Variants in EFHB observed in about 807,000 individuals in gnomAD.
The protein encoded by EFHB is EF-hand domain family member B.
Under a neutral mutation model 87.2 loss-of-function variants are expected in EFHB, and 91 were observed. The ratio of observed to expected loss-of-function variants is 1.04; its 90% CI spans 0.88 to 1.24. EFHB has a LOEUF of 1.24. EFHB is among the 50% of genes most tolerant of loss of function. The probability of loss-of-function intolerance (pLI) is 0.00; values close to 1 mark genes in which losing one functional copy is unlikely to be tolerated. For missense variants in EFHB, 1,084 were observed against 998.8 expected, an observed-to-expected ratio of 1.09 and a Z score of -1.15; for synonymous variants, 325 against 333.6, an observed-to-expected ratio of 0.97 and a Z score of 0.28.
chr3:19,937,366 T>C (rs1020107926), upstream of EFHB, among the ~76,000 whole-genome samples: 3 of 152,202 alleles, frequency 2.0e-5, no homozygotes, highest in Non-Finnish European at 4.4e-5. Flanking sequence ...GTATTGAGAA[T>C]GCCCAAGAAT....
At position 19,879,669 on chromosome 3, in the gene EFHB, G is replaced by A. The variant is rs368362844; in HGVS notation, c.2464C>T (p.Arg822Trp). The A allele has an allele frequency of 2.4e-5, 38 of 1,603,874 alleles. No individual in the cohort carries two copies. The highest frequency in any genetic ancestry group is 3.4e-5 in the South Asian group (3 of 88,648). Residue 822 changes from arginine to tryptophan, a missense_variant, in exon 13 of 13, where the codon CGG becomes TGG. Coordinates refer to ENST00000295824, the MANE Select transcript of EFHB (RefSeq NM_144715.4). ...ENIRNVLDEL[R>W]HADRIKCKTL... ...TTACACTTGATCCGGTCTGCATGCC[G>A]TAGCTCATCTAGAACATTTCTGATG...
chr3:19,903,546 A>C (rs1220997312), intron 6 of EFHB, among the ~76,000 whole-genome samples: 1 of 152,006 alleles, frequency 6.6e-6, no homozygotes, highest in Non-Finnish European at 1.5e-5. Context: ...CATACTTTAC[A>C]CATAGTTTAA....
At chr3:19,941,349 C>G (rs1696152954) in intron 1 of EFHB, 1 of 183,574 alleles carries the variant, frequency 5.4e-6, no homozygotes, top group South Asian at 1.2e-4. Context: ...CCTGGCTGCT[C>G]AAGAAAGAGT....
intron 5 of EFHB, among the ~76,000 whole-genome samples, chr3:19,911,263 A>G (rs1019768369): frequency 1.2e-4 from 18 of 152,144 alleles, no homozygotes; most frequent in Admixed American, 7.9e-4. Flanking sequence ...TGAAATAATT[A>G]AAAAGAATCA....
chr3:19,895,393 A>C (rs1427418081), intron 9 of EFHB, among the ~76,000 whole-genome samples: 1 of 151,698 alleles, frequency 6.6e-6, no homozygotes, highest in East Asian at 1.9e-4. Flanking sequence ...AGGCAGGAGA[A>C]TGGCGTGAAC....
intron 12 of EFHB, among the ~76,000 whole-genome samples, chr3:19,882,039 ATAAATAAATAAATAAATAAATAAT>A (rs1217499047): frequency 2.8e-5 from 4 of 141,792 alleles, no homozygotes; most frequent in African/African-American, 8.4e-5. Context: ...AAATAAATAA[ATAAATAAATAAATAAATAAATAAT>A]TAAATAAGAC....
At chr3:19,922,260 A>G (rs1241121968) in intron 1 of EFHB, among the ~76,000 whole-genome samples, 1 of 152,240 alleles carries the variant, frequency 6.6e-6, no homozygotes, top group Non-Finnish European at 1.5e-5. Flanking sequence ...GAAGGCAGTT[A>G]AGAATCAGCA....
chr3:19,932,957 G>C (rs1370533422), intron 1 of EFHB, among the ~76,000 whole-genome samples: 2 of 152,186 alleles, frequency 1.3e-5, no homozygotes, highest in Non-Finnish European at 2.9e-5. Context: ...TGAGAGGCTT[G>C]AGGAAAATGA....
At chr3:19,894,989 A>AAAATATATATATATATATATAT (rs369564576) in intron 9 of EFHB, 24 of 144,520 alleles carry the variant, frequency 1.7e-4, no homozygotes, top group African/African-American at 6.1e-4. Flanking sequence ...TGTCTCAAAA[A>AAAATATATATATATATATATAT]ATATATATAT....
chr3:19,923,527 C>G (rs145523006), intron 1 of EFHB, among the ~76,000 whole-genome samples: 117 of 152,212 alleles, frequency 7.7e-4, no homozygotes, highest in African/African-American at 2.6e-3. Context: ...TGTGGGCCAC[C>G]ATGCCTAGCT....
At chr3:19,925,719 T>A (rs1695600955) in intron 1 of EFHB, among the ~76,000 whole-genome samples, 1 of 152,034 alleles carries the variant, frequency 6.6e-6, no homozygotes, top group South Asian at 2.1e-4. Context: ...TACAAGTGAG[T>A]CCCAAGATTC....
chr3:19,914,020 T>C (rs1695145096), intron 5 of EFHB, among the ~76,000 whole-genome samples: 1 of 152,210 alleles, frequency 6.6e-6, no homozygotes, highest in Non-Finnish European at 1.5e-5. Flanking sequence ...CGTGGCTCAC[T>C]GCAACCTGGA....
chr3:19,888,561 A>C lies in EFHB; in HGVS notation c.1816T>G (p.Phe606Val), dbSNP rs767466744. 1.3e-5 allele frequency: 20 copies of C among 1,599,628 alleles called. No homozygotes were observed. The African/African-American group carries it at 2.3e-4, about 18-fold the overall frequency. Reference protein sequence around the residue: ...SLDDKLLDQLFDYCDVDNDGF... With the variant: ...SLDDKLLDQLVDYCDVDNDGF... Reference sequence around the variant, plus strand: ...TCATTATCCACATCACAGTAGTCAAATAGCTGGTCCAGGAGCTTGTCATCT... The same window carrying C: ...TCATTATCCACATCACAGTAGTCAACTAGCTGGTCCAGGAGCTTGTCATCT... The change falls in exon 10 of 13, where the codon TTT becomes GTT. Residue 606 changes from phenylalanine to valine, a missense_variant. Transcript: ENST00000295824.
intron 4 of EFHB, 75 bp from the exon 5 acceptor site, chr3:19,915,488 C>A: frequency 1.1e-6 from 1 of 922,850 alleles, no homozygotes; most frequent in Non-Finnish European, 1.6e-6. Context: ...TTGACTAGAA[C>A]AAATGAGAAA....
intron 10 of EFHB, among the ~76,000 whole-genome samples, chr3:19,885,678 G>A (rs1245141035): frequency 6.6e-6 from 1 of 152,162 alleles, no homozygotes; most frequent in Non-Finnish European, 1.5e-5. Flanking sequence ...TTAGAGAAGG[G>A]TGGATACCGT....
At chr3:19,927,839 G>T (rs1274215400) in intron 1 of EFHB, among the ~76,000 whole-genome samples, 1 of 151,898 alleles carries the variant, frequency 6.6e-6, no homozygotes, top group African/African-American at 2.4e-5. Flanking sequence ...GGATGTTAGG[G>T]ATTGCCTTCT....
chr3:19,896,604 T>G (rs768451018), intron 9 of EFHB, 83 bp downstream of exon 9: 10 of 1,554,904 alleles, frequency 6.4e-6, no homozygotes, highest in Non-Finnish European at 8.8e-6. Context: ...CCACAGGCTA[T>G]AGTTTGCTGA....
rs1419475254 is a variant in EFHB at position 19,933,604 on chromosome 3, C to G, written c.415G>C (p.Ala139Pro). The change falls in exon 1 of 13, where the codon GCT becomes CCT. Residue 139 changes from alanine to proline, a missense_variant. Coordinates refer to ENST00000295824, the MANE Select transcript of EFHB (RefSeq NM_144715.4). Reference sequence around the variant, plus strand: ...AAAGGAGCTCTCCTGCTCCCTGCAGCCTGTGAACTTCCACACACCCTGCCC... The same window carrying G: ...AAAGGAGCTCTCCTGCTCCCTGCAGGCTGTGAACTTCCACACACCCTGCCC... The part of the protein sequence containing the change: ...PLGRVCGSSQ[A>P]AGSRRAPLAS... 6.2e-7 allele frequency: 1 copy of G among 1,614,026 alleles called. No individual in the cohort carries two copies. Among genetic ancestry groups the G allele is most frequent in the South Asian group, 1.1e-5 (1 of 91,084 alleles).
chr3:19,903,433 C>G (rs1230769181), intron 6 of EFHB, among the ~76,000 whole-genome samples: 1 of 151,946 alleles, frequency 6.6e-6, no homozygotes, highest in Non-Finnish European at 1.5e-5. Flanking sequence ...ATTTCTAACC[C>G]ATTGAAAATG....
Sources: gnomAD v4.1 joint callset for allele counts (sites outside exome capture counted in the v4.1 genomes callset) on GRCh38, gnomAD v4.1.1 for gene constraint, MANE v1.5 for transcripts, NCBI Gene and HGNC (gene_info 2026-07-23, HGNC 2026-07-21) for gene names.